SLC2A13: variants seen among roughly 807,000 people sequenced by gnomAD.
SLC2A13 encodes the protein proton myo-inositol cotransporter.
In SLC2A13, 32 loss-of-function variants were observed where a neutral mutation model predicts 64.4. That is an observed-to-expected ratio of 0.50 (90% confidence interval 0.37 to 0.67). The LOEUF (loss-of-function observed/expected upper bound fraction) is 0.67, where lower values mean the gene tolerates loss of function less well. SLC2A13 is among the 30% of genes least tolerant of loss of function. The pLI is 0.00. For missense variants in SLC2A13, 743 were observed against 829.2 expected (o/e 0.90, Z 1.28); for synonymous variants, 338 against 327.1 (o/e 1.03, Z -0.36).
At chr12:40,031,844 G>A (rs1454722144) in intron 2 of SLC2A13, among the ~76,000 whole-genome samples, 3 of 152,196 alleles carry the variant, frequency 2.0e-5, no homozygotes, top group African/African-American at 7.2e-5. Flanking sequence ...GACAAAAAGA[G>A]AAGGCTCTTC....
intron 7 of SLC2A13, among the ~76,000 whole-genome samples, chr12:39,788,309 A>G (rs557018904): frequency 5.9e-5 from 9 of 152,146 alleles, no homozygotes; most frequent in Non-Finnish European, 7.4e-5. Flanking sequence ...CAGTATCACT[A>G]CTCTTGTGCT....
intron 3 of SLC2A13, among the ~76,000 whole-genome samples, chr12:39,987,315 C>T (rs1027424469): frequency 6.6e-6 from 1 of 152,170 alleles, no homozygotes; most frequent in African/African-American, 2.4e-5. Context: ...GTATAAAAAT[C>T]ATGATACATC....
chr12:39,962,939 G>A (rs1232452219), intron 3 of SLC2A13, among the ~76,000 whole-genome samples: 1 of 152,104 alleles, frequency 6.6e-6, no homozygotes, highest in Non-Finnish European at 1.5e-5. Flanking sequence ...CTGATGCTAT[G>A]ATTTCATCCA....
In SLC2A13 at chr12:39,840,134, C is replaced by T. The variant is rs529675933; in HGVS notation, c.1320-9906G>A. ...GCAACCTCCGCCTCCTGGGTTTAAG[C>T]GATTTTCCTGCCTCAGCTTCCTGAG... On this transcript the variant is annotated intron_variant, in intron 6 of 9. Coordinates refer to ENST00000280871, the MANE Select transcript of SLC2A13 (RefSeq NM_052885.4). Among the ~76,000 whole-genome samples, 7 of 152,006 alleles carry T rather than the reference C, an allele frequency of 4.6e-5. No homozygotes were observed. In the East Asian group the frequency reaches 5.8e-4, roughly 13 times the overall value.
rs552208442 is a variant in SLC2A13 at position 39,868,976 on chromosome 12, T to C, written c.1198+2822A>G. ...TTGATATAACATTTTTCACTATTTT[T>C]AGTCCAATATAATAAAATAAATCAT... On this transcript the variant is annotated intron_variant, in intron 5 of 9. Coordinates refer to ENST00000280871, the MANE Select transcript of SLC2A13 (RefSeq NM_052885.4). 2.6e-5 allele frequency among the ~76,000 whole-genome samples: 4 copies of C among 152,312 alleles called. No homozygotes were observed. In the South Asian group the frequency reaches 8.3e-4, roughly 32 times the overall value.
At chr12:39,870,047 G>A (rs1460155161) in intron 5 of SLC2A13, among the ~76,000 whole-genome samples, 1 of 152,094 alleles carries the variant, frequency 6.6e-6, no homozygotes, top group Non-Finnish European at 1.5e-5. Flanking sequence ...TATCAATAAG[G>A]GCTCAAAAAT....
At chr12:40,100,879 C>A (rs989790484) in intron 1 of SLC2A13, among the ~76,000 whole-genome samples, 1 of 146,494 alleles carries the variant, frequency 6.8e-6, no homozygotes, top group African/African-American at 2.5e-5. Flanking sequence ...GCAGGAGAAT[C>A]GCTTGAACCT....
At chr12:39,810,545 C>T (rs1942124662) in intron 7 of SLC2A13, among the ~76,000 whole-genome samples, 1 of 152,068 alleles carries the variant, frequency 6.6e-6, no homozygotes, top group Admixed American at 6.5e-5. Flanking sequence ...TAGACATTCT[C>T]ACCTAGTTTT....
intron 4 of SLC2A13, among the ~76,000 whole-genome samples, chr12:39,917,644 C>A (rs1945543102): frequency 6.6e-6 from 1 of 152,032 alleles, no homozygotes; most frequent in African/African-American, 2.4e-5. Flanking sequence ...TTATCTCCTC[C>A]TGCCCTGGGA....
intron 2 of SLC2A13, among the ~76,000 whole-genome samples, chr12:40,034,837 T>C (rs17458086): frequency 0.01 from 1,579 of 152,312 alleles, 13 homozygotes; most frequent in Non-Finnish European, 0.017. Context: ...TGTGTTTGCT[T>C]GGAAAGCTAA....
chr12:40,105,400 C>T lies in SLC2A13; in HGVS notation c.409G>A (p.Ala137Thr). ...AAGACGCCGTTGAGGGCGCCTCCGGCCAGCGCCGAGACGGCAGCCGCCCCC... is the reference window on the plus strand; with the variant it reads ...AAGACGCCGTTGAGGGCGCCTCCGGTCAGCGCCGAGACGGCAGCCGCCCCC... ...TVGAAAVSAL[A>T]GGALNGVFGR... The change falls in exon 1 of 10, where the codon GCC (alanine) becomes ACC (threonine). Residue 137 changes from alanine to threonine, a missense_variant. Transcript: ENST00000280871. The surrounding 1 kb of genome is among the most constrained non-coding windows in gnomAD (Gnocchi z 4.2). 2 of 1,554,286 alleles carry T rather than the reference C, an allele frequency of 1.3e-6. No homozygotes were observed. Among genetic ancestry groups the T allele is most frequent in the East Asian group, 2.4e-5 (1 of 41,160 alleles).
intron 7 of SLC2A13, among the ~76,000 whole-genome samples, chr12:39,766,416 A>G (rs908256600): frequency 6.6e-6 from 1 of 152,126 alleles, no homozygotes. Flanking sequence ...TTGATAAAAA[A>G]TGCTAACGAT....
intron 4 of SLC2A13, among the ~76,000 whole-genome samples, chr12:39,917,180 C>T (rs1444236118): frequency 4.6e-5 from 7 of 152,076 alleles, no homozygotes; most frequent in Non-Finnish European, 1.5e-5. Context: ...GCATTTGGAG[C>T]TTTGAGCACA....
chr12:39,962,089 C>T (rs546899405), intron 3 of SLC2A13, among the ~76,000 whole-genome samples: 1 of 152,238 alleles, frequency 6.6e-6, no homozygotes, highest in Admixed American at 6.5e-5. Flanking sequence ...AGCTTTGTAA[C>T]ATCAAACCAC....
intron 2 of SLC2A13, among the ~76,000 whole-genome samples, chr12:40,042,164 G>C (rs1398817810): frequency 6.6e-6 from 1 of 152,010 alleles, no homozygotes; most frequent in Admixed American, 6.6e-5. Context: ...GATGAAACAT[G>C]AAAATGACTA....
intron 5 of SLC2A13, among the ~76,000 whole-genome samples, chr12:39,870,603 T>TTGAA (rs1353079902): frequency 6.6e-6 from 1 of 152,236 alleles, no homozygotes; most frequent in African/African-American, 2.4e-5. Context: ...AAACATGGTT[T>TTGAA]TGAAACCTTT....
At chr12:40,056,952 C>G (rs1334163593) in intron 1 of SLC2A13, among the ~76,000 whole-genome samples, 1 of 151,844 alleles carries the variant, frequency 6.6e-6, no homozygotes, top group Non-Finnish European at 1.5e-5. Context: ...TGCACTGCAG[C>G]CTGGGTGACA....
chr12:40,007,112 A>T (rs1947435637), intron 3 of SLC2A13, among the ~76,000 whole-genome samples: 1 of 152,174 alleles, frequency 6.6e-6, no homozygotes, highest in African/African-American at 2.4e-5. Flanking sequence ...GAATTTCTTG[A>T]AACTAATGAG....
At chr12:40,020,799 G>T (rs1466204225) in intron 3 of SLC2A13, among the ~76,000 whole-genome samples, 3 of 152,122 alleles carry the variant, frequency 2.0e-5, no homozygotes, top group African/African-American at 7.2e-5. Context: ...CCAAATCATG[G>T]TTTTATTTAC....
Sources: gnomAD v4.1 joint callset for allele counts (sites outside exome capture counted in the v4.1 genomes callset) on GRCh38, gnomAD v4.1.1 for gene constraint, Gnocchi (gnomAD v3.1) non-coding constraint, MANE v1.5 for transcripts, NCBI Gene and HGNC (gene_info 2026-07-23, HGNC 2026-07-21) for gene names.